Variants in SBK2 observed in about 807,000 individuals in gnomAD.
SBK2 encodes SH3 domain binding kinase family member 2.
In SBK2, 18 loss-of-function variants were observed where a neutral mutation model predicts 15.9. That is an observed-to-expected ratio of 1.13 (90% confidence interval 0.78 to 1.68). The LOEUF is 1.68. SBK2 is among the 40% of genes most tolerant of loss of function. The pLI is 0.00. For synonymous variants in SBK2, 284 were observed against 246.8 expected, an observed-to-expected ratio of 1.15 and a Z score of -1.41; for missense variants, 581 against 510.9, an observed-to-expected ratio of 1.14 and a Z score of -1.32.
Position 55,536,013 on chromosome 19 carries a change from C to G in SBK2, c.253+29G>C, listed in dbSNP as rs768626356. ...CCCGTGCCCCGCCCCCAGCTGAACC[C>G]TGCCACCTCTGGCCCCACAGCCTCG... On this transcript the variant is annotated intron_variant, in intron 2 of 3. Coordinates refer to ENST00000413299, the MANE Select transcript of SBK2 (RefSeq NM_001370096.2). 1.1e-5 allele frequency: 16 copies of G among 1,428,472 alleles called. No individual in the cohort carries two copies. The South Asian group carries it at 1.5e-4, about 13-fold the overall frequency. The allele number at this position is 1,428,472 out of a possible 1,614,324, so 88.5% of individuals were successfully genotyped here.
rs1035028145 is a variant in SBK2, at chr19:55,530,293, A to G, written c.487T>C (p.Cys163Arg). 115 of 1,442,932 alleles carry G rather than the reference A, an allele frequency of 8.0e-5. No individual in the cohort carries two copies. The highest frequency in any genetic ancestry group is 9.3e-5 in the Non-Finnish European group (102 of 1,097,518). 89.4% of individuals were successfully genotyped at this position (1,442,932 alleles called of 1,614,324 possible). ...AGGGCGGAGGCCAGCTGGGCGGCGC[A>G]GCGGTGCACCGCGGGCTGCGGGAGG... ...VGLPQPAVHR[C>R]AAQLASALEY... Residue 163 changes from cysteine to arginine, a missense_variant, in exon 4 of 4, where the codon TGC becomes CGC. Physicochemically the swap from Cys to Arg is radical, Grantham distance 180. Coordinates refer to ENST00000413299, the MANE Select transcript of SBK2 (RefSeq NM_001370096.2).
At position 55,529,726 on chromosome 19, in the gene SBK2, G is replaced by GGCCTCCTCACT; in HGVS notation, c.1043_*6dup. 1 of 1,598,628 alleles carries GGCCTCCTCACT rather than the reference G, an allele frequency of 6.3e-7. No homozygotes were observed. Among genetic ancestry groups the GGCCTCCTCACT allele is most frequent in the African/African-American group, 1.3e-5 (1 of 74,870 alleles). ...CGGCTTCCCTTTCTGCATCCCCCGG[G>GGCCTCCTCACT]GCCTCCTCACTGCCCAGCCTCCTCT... On this transcript the variant is annotated 3_prime_UTR_variant, in exon 4 of 4. Coordinates refer to ENST00000413299, the MANE Select transcript of SBK2 (RefSeq NM_001370096.2).
At chr19:55,530,695 T>C (rs1487176113) in intron 3 of SBK2, among the ~76,000 whole-genome samples, 6 of 11,502 alleles carry the variant, frequency 5.2e-4, no homozygotes, top group African/African-American at 1.0e-3. Flanking sequence ...GTGAGGCCTG[T>C]GGGTTTAGTG....
In SBK2 at chr19:55,530,190, C is replaced by T. The variant is rs900692329; in HGVS notation, c.590G>A (p.Arg197Gln). ...GCCGAAGTCGGTCAGCTTGAAGCGCCGGCAGGCCGGGTCGCACACCAGGAC... is the reference window on the plus strand; with the variant it reads ...GCCGAAGTCGGTCAGCTTGAAGCGCTGGCAGGCCGGGTCGCACACCAGGAC... Reference protein sequence around the residue: ...ENVLVCDPACRRFKLTDFGHT... With the variant: ...ENVLVCDPACQRFKLTDFGHT... Residue 197 changes from arginine to glutamine, a missense_variant, in exon 4 of 4, where the codon CGG becomes CAG. Coordinates refer to ENST00000413299, the MANE Select transcript of SBK2 (RefSeq NM_001370096.2). 3.3e-6 allele frequency: 5 copies of T among 1,532,274 alleles called. No homozygotes were observed. Among genetic ancestry groups the T allele is most frequent in the Admixed American group, 4.1e-5 (2 of 48,610 alleles). The allele number at this position is 1,532,274 out of a possible 1,614,324, so 94.9% of individuals were successfully genotyped here. A position where few individuals can be genotyped will look rare whatever the true frequency, so the allele number is the denominator to read the frequency against.
chr19:55,536,204 C>T lies in SBK2; in HGVS notation c.91G>A (p.Glu31Lys), dbSNP rs1988397496. ...GCAGCCTCCTGGCCCTGCTGGAGCTCCTCTAATGTCAGGCCGCCCAGACCC... is the reference window on the plus strand; with the variant it reads ...GCAGCCTCCTGGCCCTGCTGGAGCTTCTCTAATGTCAGGCCGCCCAGACCC... ...EEGLGGLTLE[E>K]LQQGQEAARA... The change falls in exon 2 of 4, where the codon GAG (glutamate) becomes AAG (lysine). Residue 31 changes from glutamate to lysine, a missense_variant. Transcript: ENST00000413299. 1 of 1,607,636 alleles carries T rather than the reference C, an allele frequency of 6.2e-7. No homozygotes were observed.
At position 55,536,340 on chromosome 19, in the gene SBK2, A is replaced by G. The variant is rs1399583715; in HGVS notation, c.-2-44T>C. ...GTGCCCAGGCTCAGGTCCCAGGCCC[A>G]AGGGAGGAGGGGACTGGGGGTCTGG... On this transcript the variant is annotated intron_variant, in intron 1 of 3. Coordinates refer to ENST00000413299, the MANE Select transcript of SBK2 (RefSeq NM_001370096.2). 2.9e-6 allele frequency: 4 copies of G among 1,359,628 alleles called. No homozygotes were observed. In the African/African-American group the frequency reaches 9.2e-5, roughly 31 times the overall value. 84.2% of individuals were successfully genotyped at this position (1,359,628 alleles called of 1,614,324 possible).
At position 55,529,676 on chromosome 19, in the gene SBK2, T is replaced by A; in HGVS notation, c.*57A>T. On this transcript the variant is annotated 3_prime_UTR_variant, in exon 4 of 4. Transcript: ENST00000413299. The stretch of plus-strand genomic sequence containing the variant: ...CACACCGAGGAGACACCAAAAGCCG[T>A]TGGCCTTGGGGGCCTCGGGTGGGGC... The A allele has an allele frequency of 6.4e-7, 1 of 1,564,544 alleles. No homozygotes were observed. The highest frequency in any genetic ancestry group is 8.6e-7 in the Non-Finnish European group (1 of 1,163,784).
At chr19:55,533,137 C>A (rs1197628479) in intron 2 of SBK2, among the ~76,000 whole-genome samples, 2 of 151,856 alleles carry the variant, frequency 1.3e-5, no homozygotes, top group Non-Finnish European at 2.9e-5. Context: ...TCGAGATCAG[C>A]CTGGCAAACA....
At chr19:55,531,873 G>A (rs932731766) in intron 2 of SBK2, among the ~76,000 whole-genome samples, 6 of 152,060 alleles carry the variant, frequency 3.9e-5, no homozygotes, top group African/African-American at 1.4e-4. Flanking sequence ...CAGCTACTTG[G>A]CCGGCTGAGG....
chr19:55,535,751 G>C (rs1474242606), intron 2 of SBK2, among the ~76,000 whole-genome samples: 2 of 152,192 alleles, frequency 1.3e-5, no homozygotes, highest in Non-Finnish European at 2.9e-5. Flanking sequence ...GGGTGTGGTA[G>C]TGCATGCCTA....
rs775932873 is a variant in SBK2 at position 55,531,220 on chromosome 19, T to A, written c.379A>T (p.Ile127Phe). ...SAIVTAYGIG[I>F]ESAHSYSFLT... is the part of the protein sequence containing the mutation. Reference sequence around the variant, plus strand: ...AAGCTGTAGGAGTGTGCCGACTCGATGCCAATGCCGTAGGCCGTCACGATG... The same window carrying A: ...AAGCTGTAGGAGTGTGCCGACTCGAAGCCAATGCCGTAGGCCGTCACGATG... Residue 127 changes from isoleucine to phenylalanine, a missense_variant, in exon 3 of 4, where the codon ATC (isoleucine) becomes TTC (phenylalanine). Coordinates refer to ENST00000413299, the MANE Select transcript of SBK2 (RefSeq NM_001370096.2). 1.2e-6 allele frequency: 2 copies of A among 1,613,204 alleles called. No homozygotes were observed. Among genetic ancestry groups the A allele is most frequent in the Admixed American group, 3.3e-5 (2 of 60,024 alleles).
At chr19:55,534,971 G>C (rs934582385) in intron 2 of SBK2, among the ~76,000 whole-genome samples, 2 of 151,850 alleles carry the variant, frequency 1.3e-5, no homozygotes, top group South Asian at 2.1e-4. Flanking sequence ...GTTGCAGTGA[G>C]CTGAGATTGT....
chr19:55,530,920 G>A (rs1180017736), intron 3 of SBK2, among the ~76,000 whole-genome samples: 3 of 152,158 alleles, frequency 2.0e-5, no homozygotes, highest in South Asian at 2.1e-4. Context: ...GGGCTGCCTG[G>A]TGAGTCTCCA....
At position 55,529,796 on chromosome 19, in the gene SBK2, G is replaced by GA; in HGVS notation, c.983_984insT (p.Trp329LeufsTer170). ...CCGCCTCGCCCTCCCGCTGCCTCCA[G>GA]GGGCGCCCCAGGTGCTCCCTGATGG... On this transcript the variant is annotated frameshift_variant, in exon 4 of 4. Transcript: ENST00000413299. LOFTEE classifies it low-confidence loss of function (END_TRUNC). 6.2e-7 allele frequency: 1 copy of GA among 1,604,308 alleles called. No homozygotes were observed. The highest frequency in any genetic ancestry group is 8.5e-7 in the Non-Finnish European group (1 of 1,179,686).
chr19:55,529,349 T>G lies in SBK2; in HGVS notation c.*384A>C, dbSNP rs1365685945. Among the ~76,000 whole-genome samples, 1 of 152,022 alleles carries G rather than the reference T, an allele frequency of 6.6e-6. No individual in the cohort carries two copies. The highest frequency in any genetic ancestry group is 1.5e-5 in the Non-Finnish European group (1 of 68,024). ...ATTTTGAGACTGCAGTGAGCAGAGATAGCACCACTGCACTCCAGCCTGGGA... is the reference window on the plus strand; with the variant it reads ...ATTTTGAGACTGCAGTGAGCAGAGAGAGCACCACTGCACTCCAGCCTGGGA... On this transcript the variant is annotated 3_prime_UTR_variant, in exon 4 of 4. Transcript: ENST00000413299.
In SBK2 at chr19:55,536,135, C is replaced by T; in HGVS notation, c.160G>A (p.Val54Ile). Residue 54 changes from valine to isoleucine, a missense_variant, in exon 2 of 4, where the codon GTC (valine) becomes ATC (isoleucine). Coordinates refer to ENST00000413299, the MANE Select transcript of SBK2 (RefSeq NM_001370096.2). ...DMMTLSAQTL[V>I]RAEVDELYEE... ...TAGAGCTCGTCCACCTCGGCTCGGA[C>T]CAGGGTCTGAGCACTCAGCGTCATC... 6.3e-7 allele frequency: 1 copy of T among 1,581,824 alleles called. No individual in the cohort carries two copies. Among genetic ancestry groups the T allele is most frequent in the Non-Finnish European group, 8.6e-7 (1 of 1,163,768 alleles).
intron 2 of SBK2, among the ~76,000 whole-genome samples, chr19:55,534,704 C>CAAAAAAAAAAAAAAA (rs35461460): frequency 2.4e-5 from 2 of 82,578 alleles, no homozygotes; most frequent in Non-Finnish European, 4.2e-5. Context: ...GACCCTGTCT[C>CAAAAAAAAAAAAAAA]AAAAAAAAAA....
intron 2 of SBK2, among the ~76,000 whole-genome samples, chr19:55,535,228 G>T (rs1031659674): frequency 6.6e-6 from 1 of 151,400 alleles, no homozygotes; most frequent in African/African-American, 2.4e-5. Flanking sequence ...GGCGTGCCCT[G>T]AACTGACTGA....
In SBK2 at chr19:55,531,256, C is replaced by T. The variant is rs554858226; in HGVS notation, c.343G>A (p.Ala115Thr). 1.9e-6 allele frequency: 3 copies of T among 1,613,542 alleles called. No homozygotes were observed. Among genetic ancestry groups the T allele is most frequent in the African/African-American group, 1.3e-5 (1 of 75,026 alleles). Residue 115 changes from alanine (A) to threonine (T), a missense_variant, in exon 3 of 4, where the codon GCG becomes ACG. Transcript: ENST00000413299. ...YEFCVGLSLG[A>T]HSAIVTAYGI... Reference sequence around the variant, plus strand: ...TAGGCCGTCACGATGGCTGAGTGCGCGCCCAGCGAGAGCCCCACACAGAAC... The same window carrying T: ...TAGGCCGTCACGATGGCTGAGTGCGTGCCCAGCGAGAGCCCCACACAGAAC...
Sources: allele counts gnomAD v4.1 joint callset (sites outside exome capture counted in the v4.1 genomes callset), GRCh38; gene constraint gnomAD v4.1.1; transcripts MANE v1.5; gene names NCBI Gene and HGNC (gene_info 2026-07-23, HGNC 2026-07-21).